The following DMD variants were observed in gnomAD, a reference collection of about 807,000 sequenced individuals.
DMD encodes mutant dystrophin.
In DMD, 63 loss-of-function variants were observed where a neutral mutation model predicts 330.1. The ratio of observed to expected loss-of-function variants is 0.19; its 90% CI spans 0.16 to 0.24. The LOEUF is 0.24. DMD is among the 10% of genes least tolerant of loss of function. DMD has a pLI of 1.00. For missense variants in DMD, 3,344 were observed against 2,684.1 expected (o/e 1.25, Z -5.43); for synonymous variants, 1,223 against 959.8 (o/e 1.27, Z -5.07).
chrX:32,402,447 T>G (rs2098091433), intron 30 of DMD, among the ~76,000 whole-genome samples: 1 of 111,199 alleles, frequency 9.0e-6, no homozygotes, highest in Non-Finnish European at 1.9e-5. Flanking sequence ...TTAGGACATT[T>G]TTTATTAACC....
chrX:32,771,744 T>A, intron 7 of DMD, among the ~76,000 whole-genome samples: 1 of 111,826 alleles, frequency 8.9e-6, no homozygotes, highest in Non-Finnish European at 1.9e-5. Flanking sequence ...ACTATTTTAA[T>A]GCTAGAGCCA....
At chrX:31,140,377 T>C (rs184278911) in intron 76 of DMD, among the ~76,000 whole-genome samples, 1 of 112,519 alleles carries the variant, frequency 8.9e-6, no homozygotes, top group East Asian at 2.8e-4. Context: ...GGGGGCTGTG[T>C]ATGAACAAAT....
intron 44 of DMD, among the ~76,000 whole-genome samples, chrX:32,171,804 A>G (rs980247220): frequency 5.4e-5 from 6 of 111,804 alleles, no homozygotes; most frequent in African/African-American, 1.9e-4. Flanking sequence ...TATCATTCAT[A>G]CATTTGATAA....
chrX:32,211,924 T>C (rs2097095278), intron 44 of DMD, among the ~76,000 whole-genome samples: 1 of 112,196 alleles, frequency 8.9e-6, no homozygotes, highest in Non-Finnish European at 1.9e-5. Flanking sequence ...CATTCTATCA[T>C]AGCCCATGTT....
chrX:32,945,469 CT>C (rs892062581), intron 2 of DMD, among the ~76,000 whole-genome samples: 1 of 110,920 alleles, frequency 9.0e-6, no homozygotes, highest in Non-Finnish European at 1.9e-5. Context: ...AATAATTTGA[CT>C]TTTTTCCCCA....
chrX:31,323,447 G>T (rs72466560), intron 62 of DMD, 151 bp downstream of exon 62: 51 of 530,734 alleles, frequency 9.6e-5, no homozygotes, highest in Non-Finnish European at 1.5e-4. Context: ...GGTAATTTTA[G>T]AATAAGTTTT....
At chrX:32,332,414 G>GTGTGTGTGTA (rs1557283131) in intron 41 of DMD, among the ~76,000 whole-genome samples, 2 of 8,766 alleles carry the variant, frequency 2.3e-4, no homozygotes, top group African/African-American at 1.5e-3. Flanking sequence ...TGGATAAAAA[G>GTGTGTGTGTA]TGTGTGTGTG....
chrX:33,282,883 T>C (rs970408696), intron 1 of DMD, among the ~76,000 whole-genome samples: 1 of 112,094 alleles, frequency 8.9e-6, no homozygotes, highest in Non-Finnish European at 1.9e-5. Context: ...CATATGAGAA[T>C]GTGCTGCAGT....
intron 1 of DMD, among the ~76,000 whole-genome samples, chrX:33,171,423 A>G (rs774273546): frequency 1.8e-5 from 2 of 111,293 alleles, no homozygotes; most frequent in East Asian, 5.6e-4. Flanking sequence ...TGAGAACTCT[A>G]ATTTACGAAA....
chrX:33,227,482 G>C (rs1221482710), intron 1 of DMD, among the ~76,000 whole-genome samples: 1 of 110,919 alleles, frequency 9.0e-6, no homozygotes, highest in Non-Finnish European at 1.9e-5. Context: ...AAGATCCAAC[G>C]ATTGCGGTGC....
rs1233380601 is a variant in DMD, at chrX:32,468,692, G to C, written c.2968C>G (p.Gln990Glu). The C allele has an allele frequency of 8.3e-7, 1 of 1,208,472 alleles. No individual in the cohort carries two copies. The highest frequency in any genetic ancestry group is 1.8e-5 in the African/African-American group (1 of 57,076). ...TAGTATAGGCCACTTTGTTGCTCTT[G>C]CAGAGAACTTTGTAAAGCCTAAAAA... ...GELQALQSSL[Q>E]EQQSGLYYLS... The change falls in exon 23 of 79, where the codon CAA (glutamine) becomes GAA (glutamate). Residue 990 changes from glutamine to glutamate, a missense_variant. Transcript: ENST00000357033.
intron 50 of DMD, among the ~76,000 whole-genome samples, chrX:31,792,175 C>T (rs1414183102): frequency 1.8e-5 from 2 of 111,736 alleles, no homozygotes; most frequent in Admixed American, 1.9e-4. Context: ...AGGATCAATG[C>T]TATTAAACAC....
At chrX:32,895,827 T>C (rs1275779613) in intron 2 of DMD, among the ~76,000 whole-genome samples, 5 of 96,386 alleles carry the variant, frequency 5.2e-5, no homozygotes, top group Non-Finnish European at 1.0e-4. Context: ...CTGAGCTGGC[T>C]GCTGGCTTGG....
At chrX:32,213,179 G>A (rs1403240205) in intron 44 of DMD, among the ~76,000 whole-genome samples, 2 of 112,302 alleles carry the variant, frequency 1.8e-5, no homozygotes, top group South Asian at 3.7e-4. Context: ...TATATGGGCT[G>A]CTTGGTTGAT....
In DMD at chrX:32,117,643, T is replaced by G. The variant is rs190028561; in HGVS notation, c.6438+99273A>C. ...CCAGCAGAAGGTTCATGAATGCATA[T>G]GGGAGAAGAGTGAATTTTAGGTCAA... On this transcript the variant is annotated intron_variant, in intron 44 of 78. Coordinates refer to ENST00000357033, the MANE Select transcript of DMD (RefSeq NM_004006.3). Among the ~76,000 whole-genome samples the G allele has an allele frequency of 2.6e-3, 288 of 112,437 alleles. 1 individual carries two copies. The highest frequency in any genetic ancestry group is 9.3e-3 in the South Asian group (25 of 2,691).
chrX:31,587,708 G>A (rs1435137310), intron 55 of DMD, among the ~76,000 whole-genome samples: 2 of 111,048 alleles, frequency 1.8e-5, no homozygotes, highest in Non-Finnish European at 3.8e-5. Context: ...AATGGTCAGC[G>A]AGGCTTGGGA....
intron 76 of DMD, among the ~76,000 whole-genome samples, chrX:31,141,201 A>AAAC (rs34805586): frequency 0.084 from 8,928 of 105,866 alleles, 513 homozygotes; most frequent in African/African-American, 0.2. Flanking sequence ...CACACAAAAG[A>AAAC]AACAACAACA....
chrX:31,155,303 C>T (rs2037974218), intron 74 of DMD, among the ~76,000 whole-genome samples: 1 of 112,632 alleles, frequency 8.9e-6, no homozygotes. Context: ...TTCCCTACTA[C>T]GTGTAGTTAT....
chrX:31,580,681 C>T (rs1281142406), intron 55 of DMD, among the ~76,000 whole-genome samples: 1 of 111,933 alleles, frequency 8.9e-6, no homozygotes, highest in Non-Finnish European at 1.9e-5. Flanking sequence ...TCCACTGTTA[C>T]CATCATATTG....
Sources: allele counts gnomAD v4.1 joint callset (sites outside exome capture counted in the v4.1 genomes callset), GRCh38; gene constraint gnomAD v4.1.1; transcripts MANE v1.5; gene names NCBI Gene and HGNC (gene_info 2026-07-23, HGNC 2026-07-21).